Variants in LINGO2 observed in about 807,000 individuals in gnomAD.
LINGO2 encodes the protein leucine-rich repeat and immunoglobulin-like domain-containing nogo receptor-interacting protein 2.
In LINGO2, 14 loss-of-function variants were observed where a neutral mutation model predicts 30.6. The observed-to-expected ratio is 0.46, with a 90% CI of 0.30 to 0.72. The LOEUF (loss-of-function observed/expected upper bound fraction) is 0.72. Among genes scored for constraint, LINGO2 ranks in the 30% least tolerant of loss-of-function variants. The pLI is 0.07. For missense variants in LINGO2, 729 were observed against 751.7 expected (o/e 0.97, Z 0.35); for synonymous variants, 317 against 288.5 (o/e 1.10, Z -1.00).
chr9:28,243,166 A>C lies in LINGO2; in HGVS notation c.-87+52042T>G, dbSNP rs569701781. On this transcript the variant is annotated intron_variant, in intron 4 of 5. Coordinates refer to ENST00000379992, the Ensembl canonical transcript of LINGO2. ...ATGGTCTAAATGCCCCAGTTAAAAG[A>C]CACGGACTAGGCTGGGTGTGGTAGC... 4.6e-5 allele frequency among the ~76,000 whole-genome samples: 7 copies of C among 152,258 alleles called. No homozygotes were observed. The South Asian group carries it at 1.0e-3, about 23-fold the overall frequency.
intron 1 of LINGO2, among the ~76,000 whole-genome samples, chr9:28,542,779 T>C (rs1046758645): frequency 2.6e-5 from 4 of 152,048 alleles, no homozygotes; most frequent in African/African-American, 9.7e-5. Flanking sequence ...AGCAGTGATG[T>C]GTTCAGGGAT....
chr9:29,036,047 A>T, the LINGO2 span, among the ~76,000 whole-genome samples: 1 of 152,116 alleles, frequency 6.6e-6, no homozygotes, highest in Non-Finnish European at 1.5e-5. Flanking sequence ...AGTTTACCTC[A>T]TTTAAAAGAC....
chr9:28,252,767 CAG>C (rs1822250032), intron 4 of LINGO2, among the ~76,000 whole-genome samples: 1 of 151,868 alleles, frequency 6.6e-6, no homozygotes, highest in South Asian at 2.1e-4. Flanking sequence ...AAATTAAGGA[CAG>C]AGAGTTTGAG....
the LINGO2 span, among the ~76,000 whole-genome samples, chr9:29,093,029 G>GTATATATATATATATATA: frequency 1.6e-3 from 162 of 98,512 alleles, 4 homozygotes; most frequent in African/African-American, 6.2e-3. Flanking sequence ...TAATGTGTGT[G>GTATATATATATATATATA]TATATATATA....
At chr9:28,207,931 G>A (rs780145564) in intron 4 of LINGO2, among the ~76,000 whole-genome samples, 1 of 151,950 alleles carries the variant, frequency 6.6e-6, no homozygotes, top group Non-Finnish European at 1.5e-5. Flanking sequence ...CAGAGACCAG[G>A]TAATGTTTCC....
chr9:28,620,392 C>T (rs1563869441), intron 1 of LINGO2, among the ~76,000 whole-genome samples: 1 of 152,106 alleles, frequency 6.6e-6, no homozygotes, highest in East Asian at 1.9e-4. Flanking sequence ...TCATTATCCT[C>T]TTTGCCCCAT....
At chr9:29,100,594 CAA>C in the LINGO2 span, among the ~76,000 whole-genome samples, 2 of 129,876 alleles carry the variant, frequency 1.5e-5, no homozygotes, top group Admixed American at 8.2e-5. Flanking sequence ...ACTCTTATCT[CAA>C]AAAAAAAAAG....
At chr9:29,157,520 T>G in the LINGO2 span, among the ~76,000 whole-genome samples, 2 of 152,152 alleles carry the variant, frequency 1.3e-5, no homozygotes, top group Non-Finnish European at 2.9e-5. Context: ...CATATGAATC[T>G]CACACACTGC....
downstream of LINGO2, among the ~76,000 whole-genome samples, chr9:27,946,171 A>C (rs78528447): frequency 2.1e-4 from 32 of 152,194 alleles, no homozygotes; most frequent in East Asian, 6.2e-3. Context: ...GCCTGAAGAT[A>C]AACAATATTA....
intron 4 of LINGO2, among the ~76,000 whole-genome samples, chr9:28,233,697 G>A (rs1415065614): frequency 1.3e-5 from 2 of 152,182 alleles, no homozygotes; most frequent in African/African-American, 4.8e-5. Context: ...TGTTTAAGGA[G>A]AGGAGAGTGA....
the LINGO2 span, among the ~76,000 whole-genome samples, chr9:28,775,676 A>G: frequency 6.6e-6 from 1 of 152,202 alleles, no homozygotes; most frequent in Non-Finnish European, 1.5e-5. Flanking sequence ...TTCATGATTG[A>G]CATCTGCTAA....
the LINGO2 span, among the ~76,000 whole-genome samples, chr9:28,978,567 T>C: frequency 6.6e-6 from 1 of 152,132 alleles, no homozygotes; most frequent in Middle Eastern, 3.2e-3. Context: ...TAAGTACTTG[T>C]ACAATGCCTG....
At chr9:28,566,415 C>T (rs777332989) in intron 1 of LINGO2, among the ~76,000 whole-genome samples, 5 of 152,156 alleles carry the variant, frequency 3.3e-5, no homozygotes, top group Non-Finnish European at 5.9e-5. Flanking sequence ...AGGAATATAA[C>T]TACTATGCCA....
At chr9:28,462,600 T>C (rs965705666) in intron 2 of LINGO2, among the ~76,000 whole-genome samples, 3 of 151,962 alleles carry the variant, frequency 2.0e-5, no homozygotes, top group Non-Finnish European at 2.9e-5. Flanking sequence ...AAAATTTACA[T>C]AGATTACATA....
intron 1 of LINGO2, among the ~76,000 whole-genome samples, chr9:28,620,931 C>G (rs889307620): frequency 5.3e-5 from 8 of 152,028 alleles, no homozygotes; most frequent in Admixed American, 2.0e-4. Context: ...CCCCATGACA[C>G]AAGTTTACCT....
intron 4 of LINGO2, among the ~76,000 whole-genome samples, chr9:28,234,100 G>A (rs753012723): frequency 3.9e-5 from 6 of 152,148 alleles, no homozygotes; most frequent in Admixed American, 6.5e-5. Flanking sequence ...TACCAGCTCA[G>A]CCACAGTGGG....
At chr9:28,646,911 G>A (rs1271170702) in intron 1 of LINGO2, among the ~76,000 whole-genome samples, 1 of 152,050 alleles carries the variant, frequency 6.6e-6, no homozygotes, top group African/African-American at 2.4e-5. Context: ...AGCTTAATGA[G>A]TATGAGCTAA....
rs145899272 is a variant in LINGO2, at chr9:28,597,030, A to G, written c.-365+73170T>C. Among the ~76,000 whole-genome samples, 712 of 152,310 alleles carry G rather than the reference A, an allele frequency of 4.7e-3. 4 individuals are homozygous for G. The highest frequency in any genetic ancestry group is 7.5e-3 in the Non-Finnish European group (513 of 68,014). On this transcript the variant is annotated intron_variant, in intron 1 of 5. Coordinates refer to ENST00000379992, the Ensembl canonical transcript of LINGO2. Reference sequence around the variant, plus strand: ...CAAAGGTATCTATCAATTCTTTATAATTAGTAACTGAAAGCAATGATTCAA... The same window carrying G: ...CAAAGGTATCTATCAATTCTTTATAGTTAGTAACTGAAAGCAATGATTCAA...
chr9:29,092,190 G>C, the LINGO2 span, among the ~76,000 whole-genome samples: 71 of 152,018 alleles, frequency 4.7e-4, no homozygotes, highest in African/African-American at 1.7e-3. Context: ...TGAGGAAACA[G>C]GCTTAGACAG....
Sources: gnomAD v4.1 joint callset for allele counts (sites outside exome capture counted in the v4.1 genomes callset) on GRCh38, gnomAD v4.1.1 for gene constraint, MANE v1.5 for transcripts, NCBI Gene and HGNC (gene_info 2026-07-23, HGNC 2026-07-21) for gene names.